Variants in EPM2A observed in about 807,000 individuals in gnomAD.
The protein encoded by EPM2A is laforin.
EPM2A carries 21 observed loss-of-function variants against 26.5 expected under a neutral mutation model. The ratio of observed to expected loss-of-function variants is 0.79; its 90% CI spans 0.56 to 1.14. The LOEUF (loss-of-function observed/expected upper bound fraction) is 1.14, where lower values mean the gene tolerates loss of function less well. Among genes scored for constraint, EPM2A ranks in the 50% most tolerant of loss-of-function variants. The probability of loss-of-function intolerance (pLI) is 0.00; values close to 1 mark genes in which losing one functional copy is unlikely to be tolerated. For synonymous variants in EPM2A, 217 were observed against 177.6 expected, an observed-to-expected ratio of 1.22 and a Z score of -1.76; for missense variants, 458 against 440.8, an observed-to-expected ratio of 1.04 and a Z score of -0.35.
Position 145,627,328 on chromosome 6 carries a change from A to C in EPM2A, c.*88T>G. 6.2e-7 allele frequency: 1 copy of C among 1,603,268 alleles called. No individual in the cohort carries two copies. Among genetic ancestry groups the C allele is most frequent in the Non-Finnish European group, 8.5e-7 (1 of 1,179,456 alleles). ...GGAGGTCACACAGTCCTTTCAGTTC[A>C]GGTAGAATCCTTGTTTCTAGGTCAT... On this transcript the variant is annotated 3_prime_UTR_variant, in exon 4 of 4. Coordinates refer to ENST00000367519, the MANE Select transcript of EPM2A (RefSeq NM_005670.4).
chr6:145,649,929 A>T (rs1418479604), intron 2 of EPM2A, among the ~76,000 whole-genome samples: 2 of 152,224 alleles, frequency 1.3e-5, no homozygotes, highest in East Asian at 3.9e-4. Context: ...ATAGTAAGTT[A>T]ATCATCATGG....
intron 4 of EPM2A, among the ~76,000 whole-genome samples, chr6:145,399,563 AG>A (rs1341872035): frequency 1.3e-5 from 2 of 152,178 alleles, no homozygotes; most frequent in Non-Finnish European, 2.9e-5. Flanking sequence ...CAGCCACTTC[AG>A]GTCAAATTGC....
At chr6:145,551,326 C>G (rs950120456) in intron 2 of EPM2A, among the ~76,000 whole-genome samples, 23 of 152,000 alleles carry the variant, frequency 1.5e-4, no homozygotes, top group African/African-American at 4.8e-4. Context: ...CCAAGGCTGA[C>G]TTTGCCCTGA....
chr6:145,451,488 A>G (rs1164385022), intron 4 of EPM2A, among the ~76,000 whole-genome samples: 4 of 152,246 alleles, frequency 2.6e-5, no homozygotes, highest in African/African-American at 9.6e-5. Context: ...TATTTGAAAT[A>G]GCCATTATAA....
intron 2 of EPM2A, among the ~76,000 whole-genome samples, chr6:145,524,308 G>A (rs956633379): frequency 1.3e-5 from 2 of 152,284 alleles, no homozygotes; most frequent in Admixed American, 1.3e-4. Context: ...CCAGTAATGG[G>A]ATTGCTGGGT....
intron 1 of EPM2A, among the ~76,000 whole-genome samples, chr6:145,730,701 T>A (rs1468098695): frequency 6.6e-6 from 1 of 152,200 alleles, no homozygotes; most frequent in East Asian, 1.9e-4. Context: ...TGGTTCACAT[T>A]CAGTTTCTGT....
intron 2 of EPM2A, among the ~76,000 whole-genome samples, chr6:145,571,750 A>G (rs898929261): frequency 2.9e-4 from 44 of 152,198 alleles, no homozygotes; most frequent in African/African-American, 1.0e-3. Flanking sequence ...GAGACTATGC[A>G]TTACCTCCAT....
rs114659548 is a variant in EPM2A at position 145,711,429 on chromosome 6, G to A, written c.301+23769C>T. On this transcript the variant is annotated intron_variant, in intron 1 of 3. Coordinates refer to ENST00000367519, the MANE Select transcript of EPM2A (RefSeq NM_005670.4). ...AGGATCTTACAGAGATTGATAATGAGTTGAGGTTTGAATATATTGAATTTA... is the reference window on the plus strand; with the variant it reads ...AGGATCTTACAGAGATTGATAATGAATTGAGGTTTGAATATATTGAATTTA... 2.8e-3 allele frequency among the ~76,000 whole-genome samples: 422 copies of A among 152,242 alleles called. 5 individuals carry two copies. The highest frequency in any genetic ancestry group is 9.7e-3 in the African/African-American group (403 of 41,550).
chr6:145,714,582 T>C lies in EPM2A; in HGVS notation c.301+20616A>G, dbSNP rs1186255527. On this transcript the variant is annotated intron_variant, in intron 1 of 3. Transcript: ENST00000367519. ...TATTAGTCCATTTTCACAATGCTGA[T>C]AGAGACATACCTGAGAAAGGCAATT... Among the ~76,000 whole-genome samples the C allele has an allele frequency of 2.0e-5, 3 of 152,228 alleles. No individual in the cohort carries two copies. The East Asian group carries it at 5.8e-4, about 29-fold the overall frequency.
At chr6:145,530,093 C>T (rs1259986791) in intron 2 of EPM2A, among the ~76,000 whole-genome samples, 1 of 152,184 alleles carries the variant, frequency 6.6e-6, no homozygotes, top group Non-Finnish European at 1.5e-5. Context: ...TTCTCAACTT[C>T]CATCTGCTCC....
At chr6:145,671,074 T>C in intron 2 of EPM2A, 1 of 985,198 alleles carries the variant, frequency 1.0e-6, no homozygotes, top group Non-Finnish European at 1.2e-6. Flanking sequence ...ATGTCTTGAC[T>C]GTGAACTATA....
intron 2 of EPM2A, among the ~76,000 whole-genome samples, chr6:145,657,089 C>CTTTT (rs5880652): frequency 1.6e-5 from 2 of 121,826 alleles, no homozygotes; most frequent in Admixed American, 9.0e-5. Context: ...GTCATTTTTC[C>CTTTT]TTTTTTTTTT....
At position 145,617,856 on chromosome 6, in the gene EPM2A, C is replaced by A. The variant is rs571742171; in HGVS notation, c.340+17389G>T. 2.6e-5 allele frequency among the ~76,000 whole-genome samples: 4 copies of A among 152,248 alleles called. No individual in the cohort carries two copies. In the East Asian group the frequency reaches 7.7e-4, roughly 29 times the overall value. The stretch of plus-strand genomic sequence containing the variant: ...ACTCAAGAAGCTGAGGTGGGAGGCT[C>A]ACTTGAGCCCAGGAAGGTAGAGGCT... On this transcript the variant is annotated intron_variant, in intron 2 of 3. Coordinates refer to the EPM2A transcript ENST00000450221.
chr6:145,694,357 T>C (rs956644313), intron 1 of EPM2A, among the ~76,000 whole-genome samples: 4 of 152,040 alleles, frequency 2.6e-5, no homozygotes, highest in Admixed American at 6.6e-5. Flanking sequence ...GGCACTTTGA[T>C]GTTCTCTTCT....
chr6:145,690,138 C>T (rs1238023959), intron 1 of EPM2A, among the ~76,000 whole-genome samples: 2 of 152,146 alleles, frequency 1.3e-5, no homozygotes, highest in Non-Finnish European at 2.9e-5. Flanking sequence ...TGTGAGGAAC[C>T]TGGGTAATAA....
At chr6:145,656,427 C>T (rs964450573) in intron 2 of EPM2A, among the ~76,000 whole-genome samples, 4 of 152,226 alleles carry the variant, frequency 2.6e-5, no homozygotes, top group African/African-American at 7.2e-5. Flanking sequence ...CACAGGAGAG[C>T]ACCTAGACCC....
chr6:145,735,227 C>G lies in EPM2A; in HGVS notation c.272G>C (p.Arg91Pro). 1.3e-6 allele frequency: 2 copies of G among 1,537,606 alleles called. No homozygotes were observed. The highest frequency in any genetic ancestry group is 1.8e-6 in the Non-Finnish European group (2 of 1,141,052). ...CCAGGAGAGCTCTCCTCCCGGCTCC[C>G]GCTTCAGGAACTTGTACCAGAACGT... Reference protein sequence around the residue: ...VDTFWYKFLKREPGGELSWEG... With the variant: ...VDTFWYKFLKPEPGGELSWEG... The change falls in exon 1 of 4, where the codon CGG becomes CCG. Residue 91 changes from arginine to proline, a missense_variant. Coordinates refer to ENST00000367519, the MANE Select transcript of EPM2A (RefSeq NM_005670.4).
chr6:145,550,717 C>A (rs1219274090), intron 2 of EPM2A, among the ~76,000 whole-genome samples: 1 of 152,034 alleles, frequency 6.6e-6, no homozygotes, highest in African/African-American at 2.4e-5. Flanking sequence ...AGGATGAAGA[C>A]TTTTAATGAT....
At chr6:145,439,604 T>C (rs928791605) in intron 4 of EPM2A, among the ~76,000 whole-genome samples, 22 of 152,342 alleles carry the variant, frequency 1.4e-4, no homozygotes, top group African/African-American at 5.3e-4. Flanking sequence ...GTTGGCCGCA[T>C]GTGGGTCTTA....
Sources: allele counts gnomAD v4.1 joint callset (sites outside exome capture counted in the v4.1 genomes callset), GRCh38; gene constraint gnomAD v4.1.1; transcripts MANE v1.5; gene names NCBI Gene and HGNC (gene_info 2026-07-23, HGNC 2026-07-21).